RBFOX1: variants seen among roughly 807,000 people sequenced by gnomAD.
RBFOX1 encodes RNA binding protein fox-1 homolog 1.
Under a neutral mutation model 57.7 loss-of-function variants are expected in RBFOX1, and 8 were observed. That is an observed-to-expected ratio of 0.14 (90% CI 0.08 to 0.25). The LOEUF (loss-of-function observed/expected upper bound fraction) is 0.25. Ranked by LOEUF, RBFOX1 falls within the 10% of genes least tolerant of loss-of-function variation. RBFOX1 has a pLI of 1.00. For missense variants in RBFOX1, 611 were observed against 548.5 expected (o/e 1.11, Z -1.14); for synonymous variants, 326 against 222.4 (o/e 1.47, Z -4.15).
intron 3 of RBFOX1, among the ~76,000 whole-genome samples, chr16:5,637,192 G>T (rs989131627): frequency 6.6e-6 from 1 of 152,186 alleles, no homozygotes; most frequent in Non-Finnish European, 1.5e-5. Flanking sequence ...CTGACATGCC[G>T]CTGAGAAAGA....
chr16:7,521,142 G>T (rs1033619555), intron 5 of RBFOX1, among the ~76,000 whole-genome samples: 1 of 152,186 alleles, frequency 6.6e-6, no homozygotes, highest in African/African-American at 2.4e-5. Context: ...GCTTAAGGTG[G>T]TAAGACAAAG....
At chr16:6,777,502 T>C (rs140539435) in intron 3 of RBFOX1, among the ~76,000 whole-genome samples, 2,611 of 152,272 alleles carry the variant, frequency 0.017, 78 homozygotes, top group African/African-American at 0.058. Flanking sequence ...ATTAGGAAGC[T>C]TTCTACATTC....
chr16:6,074,619 A>G (rs1048249347), intron 1 of RBFOX1, among the ~76,000 whole-genome samples: 1 of 152,220 alleles, frequency 6.6e-6, no homozygotes, highest in Non-Finnish European at 1.5e-5. Flanking sequence ...ATTGGGCTCA[A>G]TTCTGAACGC....
intron 10 of RBFOX1, among the ~76,000 whole-genome samples, chr16:7,619,068 C>A (rs1183452448): frequency 6.6e-6 from 1 of 152,090 alleles, no homozygotes; most frequent in Non-Finnish European, 1.5e-5. Context: ...AAGAATAATG[C>A]CAACGGCTGT....
chr16:5,613,467 C>T (rs189889923), intron 3 of RBFOX1, among the ~76,000 whole-genome samples: 3 of 152,252 alleles, frequency 2.0e-5, no homozygotes, highest in Admixed American at 1.3e-4. Context: ...GGTTGCAGCC[C>T]TGATTATGGC....
chr16:7,636,703 T>A (rs1381234447), intron 11 of RBFOX1, among the ~76,000 whole-genome samples: 2 of 152,158 alleles, frequency 1.3e-5, no homozygotes, highest in East Asian at 3.9e-4. Context: ...CCACAGACAT[T>A]CATTTTCTCA....
At chr16:5,626,065 C>T (rs2048342364) in intron 3 of RBFOX1, among the ~76,000 whole-genome samples, 1 of 151,932 alleles carries the variant, frequency 6.6e-6, no homozygotes, top group African/African-American at 2.4e-5. Flanking sequence ...CTTTTTAGTA[C>T]AGACGGGTTT....
chr16:6,883,077 C>G (rs941392783), intron 3 of RBFOX1, among the ~76,000 whole-genome samples: 1 of 152,062 alleles, frequency 6.6e-6, no homozygotes, highest in East Asian at 1.9e-4. Flanking sequence ...GCTTCTCAAA[C>G]CATTATTAAT....
At chr16:5,279,984 G>C (rs1223310493) in intron 1 of RBFOX1, among the ~76,000 whole-genome samples, 1 of 152,188 alleles carries the variant, frequency 6.6e-6, no homozygotes, top group African/African-American at 2.4e-5. Context: ...TTGAATAGGA[G>C]TGGTGAAAGT....
intron 3 of RBFOX1, among the ~76,000 whole-genome samples, chr16:7,005,915 C>T (rs773930045): frequency 1.8e-4 from 27 of 152,290 alleles, no homozygotes; most frequent in Non-Finnish European, 3.7e-4. Flanking sequence ...TATAATTGGT[C>T]TTTCTGACAG....
At chr16:5,920,161 C>G (rs1437491696) in intron 4 of RBFOX1, among the ~76,000 whole-genome samples, 1 of 152,166 alleles carries the variant, frequency 6.6e-6, no homozygotes, top group Non-Finnish European at 1.5e-5. Flanking sequence ...GTCTCGATCT[C>G]CTGACCTTGT....
At chr16:7,470,874 T>C (rs773654395) in intron 4 of RBFOX1, among the ~76,000 whole-genome samples, 1 of 150,434 alleles carries the variant, frequency 6.6e-6, no homozygotes, top group Non-Finnish European at 1.5e-5. Flanking sequence ...AAAGAGTAGA[T>C]CTCAGGGCGG....
chr16:5,827,155 A>C (rs1288149347), intron 3 of RBFOX1, among the ~76,000 whole-genome samples: 1 of 152,024 alleles, frequency 6.6e-6, no homozygotes, highest in African/African-American at 2.4e-5. Flanking sequence ...TAATCCCAGC[A>C]CTCTAGGAGG....
chr16:6,313,546 C>G (rs2080655638), intron 1 of RBFOX1, among the ~76,000 whole-genome samples: 1 of 152,120 alleles, frequency 6.6e-6, no homozygotes, highest in Admixed American at 6.5e-5. Context: ...GTCATCAACA[C>G]CAGTGTTTTG....
chr16:6,081,504 T>C (rs2096001460), intron 1 of RBFOX1, among the ~76,000 whole-genome samples: 1 of 152,172 alleles, frequency 6.6e-6, no homozygotes, highest in South Asian at 2.1e-4. Context: ...CTTTTCAATA[T>C]TGTAGGGACC....
rs74688989 is a variant in RBFOX1 at position 5,584,599 on chromosome 16, C to A, written c.259-14303C>A. Among the ~76,000 whole-genome samples, 743 of 152,276 alleles carry A rather than the reference C, an allele frequency of 4.9e-3. 2 individuals are homozygous for A. Among genetic ancestry groups the A allele is most frequent in the African/African-American group, 0.017 (703 of 41,568 alleles). On this transcript the variant is annotated intron_variant, in intron 2 of 2. Coordinates refer to the RBFOX1 transcript ENST00000585867. ...TTTCTGGAACTTTTCCCTTGCGTGG[C>A]AGCACAGGCAGGTGGGTCATTGTCT...
chr16:7,342,067 G>C (rs1404981528), intron 4 of RBFOX1, among the ~76,000 whole-genome samples: 1 of 152,026 alleles, frequency 6.6e-6, no homozygotes, highest in Non-Finnish European at 1.5e-5. Context: ...GCTCTCTGAA[G>C]ACCTATTTCT....
chr16:5,664,920 G>C (rs2049781821), intron 3 of RBFOX1, among the ~76,000 whole-genome samples: 2 of 151,692 alleles, frequency 1.3e-5, no homozygotes, highest in African/African-American at 4.9e-5. Context: ...TGTCATCCCA[G>C]GTTGATTTCC....
At chr16:6,733,395 C>T (rs913929824) in intron 3 of RBFOX1, among the ~76,000 whole-genome samples, 1 of 152,158 alleles carries the variant, frequency 6.6e-6, no homozygotes, top group Non-Finnish European at 1.5e-5. Flanking sequence ...CAGAGCAAAG[C>T]CTGTGCCTGT....
Sources: allele counts gnomAD v4.1 joint callset (sites outside exome capture counted in the v4.1 genomes callset), GRCh38; gene constraint gnomAD v4.1.1; transcripts MANE v1.5; gene names NCBI Gene and HGNC (gene_info 2026-07-23, HGNC 2026-07-21).